Variants in CIT observed in about 807,000 individuals in gnomAD.
The protein encoded by CIT is citron rho-interacting serine/threonine kinase, also known as citron Rho-interacting kinase.
Under a neutral mutation model 272.7 loss-of-function variants are expected in CIT, and 79 were observed. The ratio of observed to expected loss-of-function variants is 0.29; its 90% CI spans 0.24 to 0.35. The LOEUF (loss-of-function observed/expected upper bound fraction) is 0.35, where lower values mean the gene tolerates loss of function less well. Ranked by LOEUF, CIT falls within the 10% of genes least tolerant of loss-of-function variation. The probability of loss-of-function intolerance (pLI) is 1.00; values close to 1 mark genes in which losing one functional copy is unlikely to be tolerated. For missense variants in CIT, 1,909 were observed against 2,618.3 expected, an observed-to-expected ratio of 0.73 and a Z score of 5.91; for synonymous variants, 948 against 995.6, an observed-to-expected ratio of 0.95 and a Z score of 0.90.
At chr12:119,701,444 C>T (rs1756560077) in intron 43 of CIT, among the ~76,000 whole-genome samples, 180 bp downstream of exon 43, 1 of 152,122 alleles carries the variant, frequency 6.6e-6, no homozygotes, top group Non-Finnish European at 1.5e-5. Context: ...TTAGACCACG[C>T]TAGTATCTGG....
chr12:119,760,399 G>A (rs538207846), intron 20 of CIT, among the ~76,000 whole-genome samples: 1 of 151,974 alleles, frequency 6.6e-6, no homozygotes, highest in South Asian at 2.1e-4. Context: ...GACCAAGATG[G>A]GAGGATTGCT....
In CIT at chr12:119,742,311, TA is replaced by T. The variant is rs1959097523; in HGVS notation, c.2958+99del. ...TTATCTTCTTCAAGCTGCAAGTTCG[TA>T]TCAAAACTCAGTCACCAATATTTTA... On this transcript the variant is annotated intron_variant, in intron 24 of 47. Transcript: ENST00000392521. The T allele has an allele frequency of 3.7e-6, 3 of 804,576 alleles. No homozygotes were observed. In the African/African-American group the frequency reaches 5.3e-5, roughly 14 times the overall value. 49.8% of individuals were successfully genotyped at this position (804,576 alleles called of 1,614,324 possible).
chr12:119,699,430 T>A (rs1391346300), intron 44 of CIT, among the ~76,000 whole-genome samples: 1 of 152,182 alleles, frequency 6.6e-6, no homozygotes, highest in Non-Finnish European at 1.5e-5. Flanking sequence ...GCACTATTAT[T>A]CCTTGTGGCA....
chr12:119,808,956 T>C (rs1332261503), intron 9 of CIT, among the ~76,000 whole-genome samples: 1 of 152,110 alleles, frequency 6.6e-6, no homozygotes, highest in Admixed American at 6.5e-5. Flanking sequence ...AAGATATGGG[T>C]GTGAAAAGCA....
chr12:119,874,102 T>C (rs1950766836), intron 2 of CIT, among the ~76,000 whole-genome samples: 1 of 152,050 alleles, frequency 6.6e-6, no homozygotes. Flanking sequence ...TCTTACCCAC[T>C]CTGTCGCCCA....
chr12:119,775,742 G>A (rs772932314), intron 16 of CIT, 44 bp downstream of exon 16: 1 of 1,446,978 alleles, frequency 6.9e-7, no homozygotes, highest in Non-Finnish European at 9.7e-7. Context: ...GTTTGGAAAG[G>A]AGGTGGTGGG....
intron 22 of CIT, among the ~76,000 whole-genome samples, chr12:119,755,152 G>A (rs1158161315): frequency 6.6e-6 from 1 of 152,170 alleles, no homozygotes. Flanking sequence ...TCCTCCTTCT[G>A]AGAAATCCTG....
At chr12:119,862,808 TAA>T (rs1157467178) in intron 3 of CIT, among the ~76,000 whole-genome samples, 42 of 10,248 alleles carry the variant, frequency 4.1e-3, no homozygotes, top group African/African-American at 0.012. Context: ...AGACTCTACC[TAA>T]AAAAAAAAAA....
chr12:119,856,144 G>C (rs1970567078), intron 4 of CIT, among the ~76,000 whole-genome samples: 1 of 152,126 alleles, frequency 6.6e-6, no homozygotes, highest in Admixed American at 6.5e-5. Flanking sequence ...TCTCTGATTG[G>C]AGGCCACACA....
rs1180618883 is a variant in CIT, at chr12:119,728,357, GGGA to G, written c.3591+142_3591+144del. The G allele has an allele frequency of 1.5e-6, 1 of 650,298 alleles. No individual in the cohort carries two copies. Among genetic ancestry groups the G allele is most frequent in the Non-Finnish European group, 2.8e-6 (1 of 363,612 alleles). 40.3% of individuals were successfully genotyped at this position (650,298 alleles called of 1,614,324 possible). On this transcript the variant is annotated intron_variant, in intron 28 of 47. Transcript: ENST00000392521. This position sits in a 1 kb window ranked among gnomAD's most constrained non-coding sequence, Gnocchi z 4.3. ...GGGTGTTGATAGCTGGGGACACTGT[GGGA>G]GGAGGAGACAGGGAGTATGTGGGAA...
rs34483318 is a variant in CIT, at chr12:119,703,421, CTT to C, written c.5304+940_5304+941del. Among the ~76,000 whole-genome samples the C allele has an allele frequency of 8.8e-3, 935 of 105,694 alleles. 9 individuals carry two copies. The highest frequency in any genetic ancestry group is 0.034 in the African/African-American group (871 of 25,298). The allele number at this position is 105,694 out of a possible 152,430, so 69.3% of individuals were successfully genotyped here. On this transcript the variant is annotated intron_variant, in intron 41 of 47. Coordinates refer to ENST00000392521, the MANE Select transcript of CIT (RefSeq NM_001206999.2). ...TATATATTATTCACCCTTCATTTCACTTTTTTTTTTTTTTTTTTTTTTGAGAT... is the reference window on the plus strand; with the variant it reads ...TATATATTATTCACCCTTCATTTCACTTTTTTTTTTTTTTTTTTTTGAGAT...
chr12:119,741,225 A>G (rs2137309104), intron 24 of CIT, among the ~76,000 whole-genome samples: 1 of 152,348 alleles, frequency 6.6e-6, no homozygotes, highest in Non-Finnish European at 1.5e-5. Flanking sequence ...TTTAAGCGAA[A>G]AAAAAAGCTA....
intron 21 of CIT, among the ~76,000 whole-genome samples, 185 bp from the exon 22 acceptor site, chr12:119,757,730 G>A (rs986695701): frequency 6.6e-6 from 1 of 152,136 alleles, no homozygotes; most frequent in African/African-American, 2.4e-5. Context: ...CGAACGTGGG[G>A]ACCATTTACT....
intron 28 of CIT, among the ~76,000 whole-genome samples, chr12:119,725,505 T>C (rs551884406): frequency 1.3e-5 from 2 of 152,308 alleles, no homozygotes; most frequent in East Asian, 1.9e-4. Flanking sequence ...TGGGCACATA[T>C]GCTTATACAG....
At chr12:119,723,738 A>C (rs552900675) in intron 28 of CIT, among the ~76,000 whole-genome samples, 1 of 152,360 alleles carries the variant, frequency 6.6e-6, no homozygotes, top group South Asian at 2.1e-4. Context: ...TCTAGAACAT[A>C]AAGATGTTTT....
At chr12:119,819,771 C>G (rs1381609782) in intron 9 of CIT, among the ~76,000 whole-genome samples, 2 of 152,188 alleles carry the variant, frequency 1.3e-5, no homozygotes, top group East Asian at 3.8e-4. Context: ...TTATGAAAAA[C>G]AGTGCTAGAT....
At chr12:119,732,517 G>A (rs936280167) in intron 26 of CIT, among the ~76,000 whole-genome samples, 2 of 152,170 alleles carry the variant, frequency 1.3e-5, no homozygotes, top group Non-Finnish European at 2.9e-5. Context: ...TGGAATAGGA[G>A]ACTTAAACAG....
Position 119,710,953 on chromosome 12 carries a change from TA to T in CIT, c.4855-334del. 1.9e-6 allele frequency: 2 copies of T among 1,042,300 alleles called. No individual in the cohort carries two copies. Among genetic ancestry groups the T allele is most frequent in the Non-Finnish European group, 1.4e-6 (1 of 730,630 alleles). 64.6% of individuals were successfully genotyped at this position (1,042,300 alleles called of 1,614,324 possible). On this transcript the variant is annotated intron_variant, in intron 37 of 47. Transcript: ENST00000392521. The surrounding 1 kb of genome is among the most constrained non-coding windows in gnomAD (Gnocchi z 5.6). ...GGAGATTTCACCTGCGCAGGGTTAA[TA>T]AGACACATGAAAGACTCCTTCCCCC...
intron 28 of CIT, among the ~76,000 whole-genome samples, chr12:119,723,699 G>A (rs932885019): frequency 4.6e-5 from 7 of 152,070 alleles, no homozygotes; most frequent in Non-Finnish European, 8.8e-5. Flanking sequence ...TCAGTAGGGC[G>A]GTATTTTTTA....
Sources: gnomAD v4.1 joint callset for allele counts (sites outside exome capture counted in the v4.1 genomes callset) on GRCh38, gnomAD v4.1.1 for gene constraint, Gnocchi (gnomAD v3.1) non-coding constraint, MANE v1.5 for transcripts, NCBI Gene and HGNC (gene_info 2026-07-23, HGNC 2026-07-21) for gene names.